Variants in PLXNA4 observed in about 807,000 individuals in gnomAD.
PLXNA4 encodes plexin A4, also known as plexin-A4.
Under a neutral mutation model 191.8 loss-of-function variants are expected in PLXNA4, and 44 were observed. That is an observed-to-expected ratio of 0.23 (90% CI 0.18 to 0.29). The LOEUF (loss-of-function observed/expected upper bound fraction) is 0.29. PLXNA4 is among the 10% of genes least tolerant of loss of function. PLXNA4 has a pLI of 1.00. For missense variants in PLXNA4, 1,800 were observed against 2,488.8 expected (o/e 0.72, Z 5.89); for synonymous variants, 1,082 against 1,009.5 (o/e 1.07, Z -1.36).
At chr7:132,289,774 T>C (rs71534232) in intron 4 of PLXNA4, among the ~76,000 whole-genome samples, 47,227 of 151,860 alleles carry the variant, frequency 0.31, 7,544 homozygotes, top group Admixed American at 0.42. Context: ...CTCAACCAAT[T>C]CTTCTACCTT....
At chr7:132,461,106 C>T (rs894977885) in intron 3 of PLXNA4, among the ~76,000 whole-genome samples, 1 of 152,160 alleles carries the variant, frequency 6.6e-6, no homozygotes, top group Non-Finnish European at 1.5e-5. Context: ...AACAGCATCT[C>T]AAAAGCAGGG....
intron 3 of PLXNA4, among the ~76,000 whole-genome samples, chr7:132,420,241 C>T (rs542627630): frequency 6.6e-6 from 1 of 152,326 alleles, no homozygotes; most frequent in African/African-American, 2.4e-5. Context: ...GAACTGTGTC[C>T]TCCAAGAGGA....
chr7:132,451,754 C>G (rs1007504617), intron 3 of PLXNA4, among the ~76,000 whole-genome samples: 1 of 152,218 alleles, frequency 6.6e-6, no homozygotes, highest in Non-Finnish European at 1.5e-5. Context: ...GCAGTGCCGG[C>G]CCCTGGAAGA....
At chr7:132,647,272 T>C (rs1430491248) in intron 1 of PLXNA4, among the ~76,000 whole-genome samples, 1 of 144,516 alleles carries the variant, frequency 6.9e-6, no homozygotes, top group Admixed American at 6.8e-5. Context: ...GTCACACATA[T>C]ATATACATTC....
At chr7:132,380,229 A>T (rs993481978) in intron 3 of PLXNA4, among the ~76,000 whole-genome samples, 1 of 152,194 alleles carries the variant, frequency 6.6e-6, no homozygotes, top group African/African-American at 2.4e-5. Flanking sequence ...TCCATTGCTC[A>T]ACTCCCTGTA....
chr7:132,153,333 G>C (rs577701358), intron 25 of PLXNA4, among the ~76,000 whole-genome samples: 10 of 152,286 alleles, frequency 6.6e-5, no homozygotes, highest in African/African-American at 2.4e-4. Flanking sequence ...GCCATGCCAA[G>C]GTGTCTGGAG....
intron 1 of PLXNA4, among the ~76,000 whole-genome samples, chr7:132,516,840 G>A (rs1182016006): frequency 6.6e-6 from 1 of 152,212 alleles, no homozygotes; most frequent in East Asian, 1.9e-4. Context: ...TGTAGTCCCA[G>A]CTACTCGGGA....
At chr7:132,161,490 C>T (rs549916847) in intron 24 of PLXNA4, among the ~76,000 whole-genome samples, 67 of 152,320 alleles carry the variant, frequency 4.4e-4, no homozygotes, top group African/African-American at 1.6e-3. Flanking sequence ...CTCTCAAACG[C>T]TAATGTGAAT....
chr7:132,229,777 G>A (rs1044143970), intron 5 of PLXNA4, among the ~76,000 whole-genome samples: 10 of 152,042 alleles, frequency 6.6e-5, no homozygotes, highest in Admixed American at 6.6e-4. Flanking sequence ...GGGAACGACT[G>A]TCTCAGGAAG....
intron 4 of PLXNA4, among the ~76,000 whole-genome samples, chr7:132,271,897 T>C (rs945065530): frequency 4.6e-5 from 7 of 152,180 alleles, no homozygotes; most frequent in Admixed American, 3.3e-4. Context: ...AAGAAAACTG[T>C]AGTTTAAAAG....
intron 3 of PLXNA4, chr7:132,383,953 A>G: frequency 1.0e-6 from 1 of 985,342 alleles, no homozygotes; most frequent in Non-Finnish European, 1.2e-6. Context: ...ATGCTTTTCA[A>G]CTCTTTCAAA....
At chr7:132,349,407 C>A (rs1425341943) in intron 3 of PLXNA4, among the ~76,000 whole-genome samples, 3 of 152,116 alleles carry the variant, frequency 2.0e-5, no homozygotes, top group Non-Finnish European at 4.4e-5. Context: ...TGCAACCCTG[C>A]CTGGTGTGTG....
At chr7:132,631,013 A>G (rs1803481426) in intron 2 of PLXNA4, among the ~76,000 whole-genome samples, 1 of 152,162 alleles carries the variant, frequency 6.6e-6, no homozygotes, top group Non-Finnish European at 1.5e-5. Context: ...AAACCAGAAC[A>G]CCCATAGTGG....
chr7:132,192,286 C>T (rs59426648), intron 14 of PLXNA4, among the ~76,000 whole-genome samples: 4,074 of 152,258 alleles, frequency 0.027, 187 homozygotes, highest in African/African-American at 0.093. Flanking sequence ...CATTAACCCC[C>T]ACAGCCAGAA....
rs1015865844 is a variant in PLXNA4 at position 132,293,163 on chromosome 7, A to G, written c.1503+4928T>C. Among the ~76,000 whole-genome samples the G allele has an allele frequency of 4.6e-5, 7 of 152,196 alleles. 1 individual carries two copies. Among genetic ancestry groups the G allele is most frequent in the Non-Finnish European group, 5.9e-5 (4 of 68,036 alleles). On this transcript the variant is annotated intron_variant, in intron 4 of 31. Coordinates refer to ENST00000321063, the MANE Select transcript of PLXNA4 (RefSeq NM_020911.2). ...CCCCTGATGGTAGGAGGGGTCCATG[A>G]ACACCCATTCTGTTAACTTGGAAAG...
At chr7:132,504,844 G>A (rs1334777006) in intron 2 of PLXNA4, among the ~76,000 whole-genome samples, 1 of 152,220 alleles carries the variant, frequency 6.6e-6, no homozygotes, top group African/African-American at 2.4e-5. Flanking sequence ...CAACAGCCTT[G>A]TAAATGAGTT....
At chr7:132,213,007 T>C (rs565627115) in intron 9 of PLXNA4, among the ~76,000 whole-genome samples, 1 of 152,262 alleles carries the variant, frequency 6.6e-6, no homozygotes, top group Admixed American at 6.5e-5. Flanking sequence ...GCAACCCAGG[T>C]GTTCACTGAG....
chr7:132,420,000 G>C (rs1171712806), intron 3 of PLXNA4, among the ~76,000 whole-genome samples: 4 of 152,064 alleles, frequency 2.6e-5, no homozygotes, highest in African/African-American at 9.7e-5. Flanking sequence ...GATTTGGCCT[G>C]GGAGCCAGAG....
intron 3 of PLXNA4, among the ~76,000 whole-genome samples, chr7:132,332,676 C>A (rs1585003040): frequency 1.3e-5 from 2 of 151,090 alleles, no homozygotes; most frequent in East Asian, 1.9e-4. Flanking sequence ...TAGTGAGACC[C>A]CATTTCTAAA....
Sources: gnomAD v4.1 joint callset for allele counts (sites outside exome capture counted in the v4.1 genomes callset) on GRCh38, gnomAD v4.1.1 for gene constraint, MANE v1.5 for transcripts, NCBI Gene and HGNC (gene_info 2026-07-23, HGNC 2026-07-21) for gene names.